Variants in ZNF804B observed in about 807,000 individuals in gnomAD.
ZNF804B encodes the protein zinc finger 804B.
ZNF804B carries 80 observed loss-of-function variants against 101.4 expected under a neutral mutation model. That is an observed-to-expected ratio of 0.79 (90% CI 0.66 to 0.95). The LOEUF (loss-of-function observed/expected upper bound fraction) is 0.95, where lower values mean the gene tolerates loss of function less well. ZNF804B is among the 40% of genes least tolerant of loss of function. The probability of loss-of-function intolerance (pLI) is 0.00; values close to 1 mark genes in which losing one functional copy is unlikely to be tolerated. For missense variants in ZNF804B, 1,673 were observed against 1,561.9 expected, an observed-to-expected ratio of 1.07 and a Z score of -1.20; for synonymous variants, 622 against 558.8, an observed-to-expected ratio of 1.11 and a Z score of -1.59.
intron 1 of ZNF804B, among the ~76,000 whole-genome samples, chr7:88,956,542 T>G (rs1793312195): frequency 6.6e-6 from 1 of 151,304 alleles, no homozygotes; most frequent in African/African-American, 2.4e-5. Context: ...TATTTAAAAA[T>G]AAATAAAATT....
intron 1 of ZNF804B, among the ~76,000 whole-genome samples, chr7:88,917,918 A>G (rs1353081272): frequency 6.6e-6 from 1 of 152,198 alleles, no homozygotes; most frequent in African/African-American, 2.4e-5. Flanking sequence ...AGACAGTTCA[A>G]AATTAGTCAA....
At chr7:88,963,352 A>C (rs1793414121) in intron 1 of ZNF804B, among the ~76,000 whole-genome samples, 1 of 151,378 alleles carries the variant, frequency 6.6e-6, no homozygotes, top group Non-Finnish European at 1.5e-5. Context: ...GAGAGCACGA[A>C]AGTAAGTCCT....
At chr7:89,120,398 G>A (rs1318001717) in intron 1 of ZNF804B, among the ~76,000 whole-genome samples, 2 of 151,932 alleles carry the variant, frequency 1.3e-5, no homozygotes, top group African/African-American at 4.8e-5. Context: ...TGGCTCACGC[G>A]TGTAATCCCA....
intron 1 of ZNF804B, among the ~76,000 whole-genome samples, chr7:89,070,573 G>T (rs1398567376): frequency 6.6e-6 from 1 of 152,056 alleles, no homozygotes; most frequent in African/African-American, 2.4e-5. Context: ...CTGAGGGATG[G>T]TTTCTTCATC....
At chr7:88,850,982 A>G (rs895512771) in intron 1 of ZNF804B, among the ~76,000 whole-genome samples, 2 of 152,130 alleles carry the variant, frequency 1.3e-5, no homozygotes, top group African/African-American at 4.8e-5. Context: ...TCCAAAGATA[A>G]AAAGTTTCAG....
chr7:89,109,417 G>T (rs1182805329), intron 1 of ZNF804B, among the ~76,000 whole-genome samples: 1 of 152,124 alleles, frequency 6.6e-6, no homozygotes, highest in African/African-American at 2.4e-5. Flanking sequence ...ATTCCAATGA[G>T]AATGGCTTTC....
intron 1 of ZNF804B, among the ~76,000 whole-genome samples, chr7:89,029,146 A>G (rs1001244442): frequency 7.2e-5 from 11 of 152,264 alleles, no homozygotes; most frequent in Middle Eastern, 3.4e-3. Context: ...CTCTGTTGCC[A>G]AAGCTGGAGT....
intron 1 of ZNF804B, among the ~76,000 whole-genome samples, chr7:88,787,586 G>A (rs1286038615): frequency 2.6e-5 from 4 of 152,100 alleles, no homozygotes; most frequent in Non-Finnish European, 5.9e-5. Flanking sequence ...GTGTTTAAAC[G>A]TTCTTCAAAG....
At chr7:89,181,262 C>A (rs183101741) in intron 1 of ZNF804B, among the ~76,000 whole-genome samples, 4 of 152,246 alleles carry the variant, frequency 2.6e-5, no homozygotes, top group Non-Finnish European at 4.4e-5. Flanking sequence ...GGCACCAGGA[C>A]TTGCCTAGGA....
intron 1 of ZNF804B, among the ~76,000 whole-genome samples, chr7:88,953,834 C>A (rs1254346608): frequency 6.6e-6 from 1 of 151,696 alleles, no homozygotes; most frequent in African/African-American, 2.4e-5. Context: ...TTTAATACTA[C>A]ACATAATTTT....
At chr7:89,188,624 G>T (rs1002755592) in intron 1 of ZNF804B, among the ~76,000 whole-genome samples, 5 of 152,070 alleles carry the variant, frequency 3.3e-5, no homozygotes, top group African/African-American at 1.2e-4. Context: ...AGTTTTCAAA[G>T]AAAATTAACA....
Position 88,761,672 on chromosome 7 carries a change from G to A in ZNF804B, c.108+1588G>A, listed in dbSNP as rs559848455. ...CAACGCTTTGGTAATCTCCGTGCCT[G>A]TCTCCCTTGCCCTCCTTTTGGTTAT... On this transcript the variant is annotated intron_variant, in intron 1 of 3. Transcript: ENST00000333190. 5.3e-5 allele frequency among the ~76,000 whole-genome samples: 8 copies of A among 152,276 alleles called. No individual in the cohort carries two copies. In the East Asian group the frequency reaches 1.5e-3, roughly 29 times the overall value.
chr7:88,832,123 C>A (rs558156083), intron 1 of ZNF804B, among the ~76,000 whole-genome samples: 1 of 151,304 alleles, frequency 6.6e-6, no homozygotes, highest in Admixed American at 6.6e-5. Context: ...CATATGCATT[C>A]TGTAGAAGCC....
chr7:89,171,160 T>C (rs1261413610), intron 1 of ZNF804B, among the ~76,000 whole-genome samples: 2 of 152,214 alleles, frequency 1.3e-5, no homozygotes, highest in African/African-American at 2.4e-5. Context: ...TGAATTTCTA[T>C]TTAAAAATGC....
intron 2 of ZNF804B, among the ~76,000 whole-genome samples, chr7:89,322,267 T>C (rs1444970964): frequency 6.6e-6 from 1 of 152,192 alleles, no homozygotes; most frequent in East Asian, 1.9e-4. Context: ...ATTTTCTGCT[T>C]TCAAGTGCAC....
intron 1 of ZNF804B, among the ~76,000 whole-genome samples, chr7:88,846,091 T>G (rs955282420): frequency 1.3e-5 from 2 of 152,226 alleles, no homozygotes; most frequent in Non-Finnish European, 1.5e-5. Context: ...CAGAACATTT[T>G]GCATTAAGTT....
intron 1 of ZNF804B, among the ~76,000 whole-genome samples, chr7:89,168,322 GTATA>G (rs35124822): frequency 6.6e-6 from 1 of 151,130 alleles, no homozygotes; most frequent in Non-Finnish European, 1.5e-5. Context: ...CTGTGTGTGT[GTATA>G]TATATATATC....
chr7:89,250,290 G>C (rs1370909303), intron 2 of ZNF804B, among the ~76,000 whole-genome samples: 2 of 152,064 alleles, frequency 1.3e-5, no homozygotes, highest in East Asian at 3.9e-4. Flanking sequence ...AAGACCCTCA[G>C]ATATTGTTAT....
chr7:88,772,173 T>C (rs1790080612), intron 1 of ZNF804B, among the ~76,000 whole-genome samples: 1 of 152,196 alleles, frequency 6.6e-6, no homozygotes. Flanking sequence ...TGCTACATAC[T>C]ATACGTTTAG....
Sources: allele counts gnomAD v4.1 joint callset (sites outside exome capture counted in the v4.1 genomes callset), GRCh38; gene constraint gnomAD v4.1.1; transcripts MANE v1.5; gene names NCBI Gene and HGNC (gene_info 2026-07-23, HGNC 2026-07-21).